MZT1: variants seen among roughly 807,000 people sequenced by gnomAD.
MZT1 encodes mitotic spindle organizing protein 1.
Under a neutral mutation model 8.5 loss-of-function variants are expected in MZT1, and 8 were observed. That is an observed-to-expected ratio of 0.94 (90% CI 0.55 to 1.70). The LOEUF is 1.70. Among genes scored for constraint, MZT1 ranks in the 40% most tolerant of loss-of-function variants. The pLI is 0.00. For missense variants in MZT1, 93 were observed against 108.6 expected, an observed-to-expected ratio of 0.86 and a Z score of 0.64; for synonymous variants, 38 against 42.0, an observed-to-expected ratio of 0.90 and a Z score of 0.37.
Position 72,709,876 on chromosome 13 carries a change from A to C in MZT1, c.*446T>G, listed in dbSNP as rs1423707867. On this transcript the variant is annotated 3_prime_UTR_variant, in exon 3 of 3. Coordinates refer to ENST00000377818, the MANE Select transcript of MZT1 (RefSeq NM_001071775.3). ...GTCAACTTTCAGCCCAATACAATATAAATCCACAGTTATAATGCATAAACA... is the reference window on the plus strand; with the variant it reads ...GTCAACTTTCAGCCCAATACAATATCAATCCACAGTTATAATGCATAAACA... 2 of 153,358 alleles carry C rather than the reference A, an allele frequency of 1.3e-5. No individual in the cohort carries two copies. Among genetic ancestry groups the C allele is most frequent in the Non-Finnish European group, 2.9e-5 (2 of 68,908 alleles). The allele number at this position is 153,358 out of a possible 1,614,324, so 9.5% of individuals were successfully genotyped here.
At chr13:72,724,705 T>C (rs866236312) in intron 1 of MZT1, among the ~76,000 whole-genome samples, 1,052 of 22,450 alleles carry the variant, frequency 0.047, 46 homozygotes, top group African/African-American at 0.06. Flanking sequence ...CTACTAAATA[T>C]ATATATATAT....
intron 1 of MZT1, among the ~76,000 whole-genome samples, chr13:72,725,837 TGA>T (rs2032646077): frequency 6.6e-6 from 1 of 152,034 alleles, no homozygotes; most frequent in Admixed American, 6.5e-5. Context: ...AGGCTAGAAG[TGA>T]GGTCTTATAC....
intron 1 of MZT1, among the ~76,000 whole-genome samples, chr13:72,720,013 A>G (rs1223620070): frequency 2.0e-5 from 3 of 152,188 alleles, no homozygotes; most frequent in Non-Finnish European, 4.4e-5. Flanking sequence ...TTATGCTTAG[A>G]AAATTATTCC....
At chr13:72,724,028 C>A (rs1249054860) in intron 1 of MZT1, among the ~76,000 whole-genome samples, 1 of 151,666 alleles carries the variant, frequency 6.6e-6, no homozygotes, top group East Asian at 1.9e-4. Context: ...TGGTTGAGAG[C>A]AAAGAAAACA....
At chr13:72,710,445 T>C in intron 2 of MZT1, 100 bp from the exon 3 acceptor site, 1 of 1,097,410 alleles carries the variant, frequency 9.1e-7, no homozygotes, top group Non-Finnish European at 1.4e-6. Flanking sequence ...CAAACAACTA[T>C]TCCCCATAAA....
At chr13:72,714,667 G>A (rs2138008433) in intron 2 of MZT1, among the ~76,000 whole-genome samples, 1 of 152,340 alleles carries the variant, frequency 6.6e-6, no homozygotes, top group African/African-American at 2.4e-5. Context: ...CAGCCACTCT[G>A]GCTCCAGCCA....
At chr13:72,710,489 T>C in intron 2 of MZT1, 144 bp from the exon 3 acceptor site, 1 of 726,122 alleles carries the variant, frequency 1.4e-6, no homozygotes, top group Non-Finnish European at 2.4e-6. Flanking sequence ...ATGCAGTGCT[T>C]TTCATGTTTT....
At chr13:72,719,592 C>T (rs758853771) in intron 1 of MZT1, among the ~76,000 whole-genome samples, 6 of 152,146 alleles carry the variant, frequency 3.9e-5, no homozygotes, top group Admixed American at 2.6e-4. Flanking sequence ...AGTAGAACTG[C>T]TCAGTCAGTA....
At chr13:72,712,442 G>A (rs1593795533) in intron 2 of MZT1, among the ~76,000 whole-genome samples, 1 of 152,194 alleles carries the variant, frequency 6.6e-6, no homozygotes, top group Non-Finnish European at 1.5e-5. Context: ...GCGTGAGCCA[G>A]CACGCCTAGC....
chr13:72,719,996 C>G (rs186420548), intron 1 of MZT1, among the ~76,000 whole-genome samples: 240 of 152,254 alleles, frequency 1.6e-3, no homozygotes, highest in African/African-American at 5.5e-3. Context: ...ATCATTTCCC[C>G]TTGGCATTAT....
At chr13:72,726,746 A>AG (rs1267427477) in intron 1 of MZT1, among the ~76,000 whole-genome samples, 1 of 149,568 alleles carries the variant, frequency 6.7e-6, no homozygotes, top group Non-Finnish European at 1.5e-5. Context: ...ATTTTACAGA[A>AG]AAAAAAAAAA....
intron 2 of MZT1, among the ~76,000 whole-genome samples, chr13:72,712,954 T>C (rs1004948652): frequency 1.3e-5 from 2 of 152,220 alleles, no homozygotes; most frequent in Non-Finnish European, 2.9e-5. Flanking sequence ...GATAAAATAC[T>C]ATAATACTCA....
In MZT1 at chr13:72,710,123, T is replaced by G. The variant is rs2032474059; in HGVS notation, c.*199A>C. 1 of 560,650 alleles carries G rather than the reference T, an allele frequency of 1.8e-6. No homozygotes were observed. The highest frequency in any genetic ancestry group is 3.2e-6 in the Non-Finnish European group (1 of 313,788). 34.7% of individuals were successfully genotyped at this position (560,650 alleles called of 1,614,324 possible). On this transcript the variant is annotated 3_prime_UTR_variant, in exon 3 of 3. Transcript: ENST00000377818. The stretch of plus-strand genomic sequence containing the variant: ...GCTGTTAAAAAAAGTGAATAAGATG[T>G]GATGTAAACACATCTGATAGTTCTC...
intron 2 of MZT1, among the ~76,000 whole-genome samples, chr13:72,710,686 T>C (rs1382610685): frequency 4.6e-5 from 7 of 152,118 alleles, no homozygotes; most frequent in Admixed American, 4.6e-4. Context: ...TTTATTCTAG[T>C]AATAGGGATT....
chr13:72,718,972 T>C lies in MZT1; in HGVS notation c.205A>G (p.Lys69Glu). The change falls in exon 2 of 3, where the codon AAG (lysine) becomes GAG (glutamate). Residue 69 changes from lysine to glutamate, a missense_variant. Physicochemically the swap from Lys to Glu is moderately conservative, Grantham distance 56 (BLOSUM62 1). Transcript: ENST00000377818. ...ALSSVIKELR[K>E]ATEALKAAEN... is the part of the protein sequence containing the mutation. ...CCAACCTTCAGTGCTTCAGTAGCCT[T>C]GCGAAGCTCCTTAATAACCGATGAT... The C allele has an allele frequency of 6.3e-7, 1 of 1,579,510 alleles. No homozygotes were observed.
At chr13:72,727,243 G>A (rs1207052297) in intron 1 of MZT1, among the ~76,000 whole-genome samples, 1 of 152,186 alleles carries the variant, frequency 6.6e-6, no homozygotes, top group Non-Finnish European at 1.5e-5. Context: ...CTGGGATGCG[G>A]GATAGAGGGG....
intron 1 of MZT1, among the ~76,000 whole-genome samples, chr13:72,719,338 A>G (rs2032571729): frequency 6.6e-6 from 1 of 152,170 alleles, no homozygotes. Flanking sequence ...TATATATTCT[A>G]GCACTTGTTT....
chr13:72,719,751 T>G (rs1311925496), intron 1 of MZT1, among the ~76,000 whole-genome samples: 1 of 152,214 alleles, frequency 6.6e-6, no homozygotes, highest in Non-Finnish European at 1.5e-5. Flanking sequence ...TGAAACCTTA[T>G]ATTTTTTAAA....
At chr13:72,719,193 AC>A in intron 1 of MZT1, 96 bp from the exon 2 acceptor site, 1 of 966,638 alleles carries the variant, frequency 1.0e-6, no homozygotes, top group Non-Finnish European at 1.4e-6. Flanking sequence ...ACTGCACAAT[AC>A]CAAGGAATTA....
Sources: gnomAD v4.1 joint callset for allele counts (sites outside exome capture counted in the v4.1 genomes callset) on GRCh38, gnomAD v4.1.1 for gene constraint, MANE v1.5 for transcripts, NCBI Gene and HGNC (gene_info 2026-07-23, HGNC 2026-07-21) for gene names.